STAB2: variants seen among roughly 807,000 people sequenced by gnomAD.
The protein encoded by STAB2 is stabilin-2.
In STAB2, 288 loss-of-function variants were observed where a neutral mutation model predicts 338.1. That is an observed-to-expected ratio of 0.85 (90% confidence interval 0.77 to 0.94). The LOEUF is 0.94. Ranked by LOEUF, STAB2 falls within the 40% of genes least tolerant of loss-of-function variation. The pLI is 0.00. For synonymous variants in STAB2, 1,202 were observed against 1,193.3 expected (o/e 1.01, Z -0.15); for missense variants, 3,141 against 3,210.1 (o/e 0.98, Z 0.52).
chr12:103,718,053 G>T (rs1355243331), intron 44 of STAB2, among the ~76,000 whole-genome samples: 2 of 152,056 alleles, frequency 1.3e-5, no homozygotes, highest in African/African-American at 4.8e-5. Flanking sequence ...CTGCCCCTTT[G>T]GCTGCACCAT....
Position 103,590,956 on chromosome 12 carries a change from T to C in STAB2, c.141T>C (p.Ala47=). The change falls in exon 2 of 69, where the codon GCT becomes GCC. Residue 47 remains alanine (A), a synonymous_variant. Coordinates refer to ENST00000388887, the MANE Select transcript of STAB2 (RefSeq NM_017564.10). The part of the protein sequence containing the change: ...LTIRTECRSC[A]LNLGVKCPDG... ...TTAGGACCGAGTGCCGATCCTGCGC[T>C]CTCAACCTTGGAGTCAAGTGCCCGG... 6.2e-7 allele frequency: 1 copy of C among 1,614,134 alleles called. No homozygotes were observed. The highest frequency in any genetic ancestry group is 8.5e-7 in the Non-Finnish European group (1 of 1,180,016).
rs1880265518 is a variant in STAB2 at position 103,715,838 on chromosome 12, C to T, written c.4561C>T (p.His1521Tyr). ...AGAAATCAACCCGTGTTTGGAGAAC[C>T]ATGGTGGCTGTGACAAGAATGCGGA... ...CLEINPCLEN[H>Y]GGCDKNAECT... The change falls in exon 43 of 69, where the codon CAT becomes TAT. Residue 1521 changes from histidine (H) to tyrosine (Y), a missense_variant. Physicochemically the swap from His to Tyr is moderately conservative, Grantham distance 83. Transcript: ENST00000388887. 1 of 1,613,954 alleles carries T rather than the reference C, an allele frequency of 6.2e-7. No individual in the cohort carries two copies. Among genetic ancestry groups the T allele is most frequent in the Non-Finnish European group, 8.5e-7 (1 of 1,179,986 alleles).
chr12:103,720,470 C>A (rs557977599), intron 44 of STAB2, among the ~76,000 whole-genome samples: 1 of 152,300 alleles, frequency 6.6e-6, no homozygotes, highest in Admixed American at 6.5e-5. Context: ...GCTATGTCAG[C>A]CCAGTGTTGA....
chr12:103,673,859 G>C (rs541721242), intron 22 of STAB2, 48 bp from the exon 23 acceptor site: 2 of 1,575,872 alleles, frequency 1.3e-6, no homozygotes, highest in African/African-American at 2.7e-5. Context: ...CTCAGTGCTT[G>C]GCTTGTCCCC....
intron 46 of STAB2, among the ~76,000 whole-genome samples, chr12:103,726,883 A>G (rs1881250062): frequency 1.3e-5 from 2 of 152,196 alleles, no homozygotes; most frequent in African/African-American, 4.8e-5. Context: ...ACAGTTAAGT[A>G]TATCAACTCA....
At chr12:103,709,570 G>A (rs975133985) in intron 39 of STAB2, among the ~76,000 whole-genome samples, 1 of 152,212 alleles carries the variant, frequency 6.6e-6, no homozygotes, top group African/African-American at 2.4e-5. Context: ...GCCTAGTGGG[G>A]GCTCCATGGA....
At position 103,706,404 on chromosome 12, in the gene STAB2, C is replaced by T. The variant is rs552720860; in HGVS notation, c.3997-388C>T. 5.3e-5 allele frequency among the ~76,000 whole-genome samples: 8 copies of T among 152,302 alleles called. No homozygotes were observed. In the South Asian group the frequency reaches 6.2e-4, roughly 12 times the overall value. On this transcript the variant is annotated intron_variant, in intron 37 of 68. Coordinates refer to ENST00000388887, the MANE Select transcript of STAB2 (RefSeq NM_017564.10). ...AGGCCTCCTCACCTTCAGTAGTAGA[C>T]GAAATAACATCGATGTGAAGGGGCC... is the stretch of plus-strand genomic sequence containing the variant.
In STAB2 at chr12:103,662,915, A is replaced by C. The variant is rs200452873; in HGVS notation, c.1939A>C (p.Thr647Pro). 2 of 1,614,216 alleles carry C rather than the reference A, an allele frequency of 1.2e-6. No individual in the cohort carries two copies. Residue 647 changes from threonine to proline, a missense_variant, in exon 18 of 69, where the codon ACA (threonine) becomes CCA (proline). By Grantham distance (38) the Thr-to-Pro change is conservative. Transcript: ENST00000388887. ...EITAKNGRIY[T>P]LTGVLIPPSI... ...CACTGCCAAAAATGGCCGAATTTAC[A>C]CACTGACAGGAGTTCTCATTCCTCC...
chr12:103,690,575 T>C (rs1221697422), intron 30 of STAB2, 37 bp downstream of exon 30: 1 of 1,556,024 alleles, frequency 6.4e-7, no homozygotes, highest in Admixed American at 1.8e-5. Context: ...ACTTGAAACA[T>C]AACAGCTTTG....
intron 66 of STAB2, among the ~76,000 whole-genome samples, chr12:103,761,971 G>A (rs1884572157): frequency 6.6e-6 from 1 of 152,206 alleles, no homozygotes; most frequent in Non-Finnish European, 1.5e-5. Flanking sequence ...TCCAAAGCCA[G>A]ACTGGGTTCA....
chr12:103,701,977 T>TAC (rs71097990), intron 34 of STAB2, among the ~76,000 whole-genome samples: 2,956 of 143,950 alleles, frequency 0.021, 23 homozygotes, highest in African/African-American at 0.028. Context: ...TCAGCCCTGC[T>TAC]ACACACACAC....
intron 3 of STAB2, among the ~76,000 whole-genome samples, chr12:103,596,172 G>A (rs11111670): frequency 0.022 from 3,391 of 152,298 alleles, 53 homozygotes; most frequent in Non-Finnish European, 0.032. Flanking sequence ...TGTGCCAAAT[G>A]TGGTCATGAT....
chr12:103,625,214 G>A (rs1957362720), intron 5 of STAB2, among the ~76,000 whole-genome samples: 1 of 152,158 alleles, frequency 6.6e-6, no homozygotes, highest in Non-Finnish European at 1.5e-5. Context: ...GAAGACCCAT[G>A]TTATCTCCAA....
chr12:103,711,357 C>A, intron 39 of STAB2, 114 bp from the exon 40 acceptor site: 1 of 1,390,402 alleles, frequency 7.2e-7, no homozygotes. Context: ...TTTTATATCG[C>A]TCACATGATA....
Position 103,735,586 on chromosome 12 carries a change from T to C in STAB2, c.5550+6T>C. ...GTGGAGCTGGCAGGGACATCGTGAG[T>C]ATCATCATGAAGGGTGGGCAGGGAG... On this transcript the variant is annotated splice_donor_region_variant and intron_variant, in intron 52 of 68. Coordinates refer to ENST00000388887, the MANE Select transcript of STAB2 (RefSeq NM_017564.10). The C allele has an allele frequency of 6.6e-7, 1 of 1,523,758 alleles. No individual in the cohort carries two copies. Among genetic ancestry groups the C allele is most frequent in the Non-Finnish European group, 9.0e-7 (1 of 1,109,150 alleles). 94.4% of individuals were successfully genotyped at this position (1,523,758 alleles called of 1,614,324 possible).
In STAB2 at chr12:103,764,143, G is replaced by A. The variant is rs1416195041; in HGVS notation, c.7605+535G>A. Among the ~76,000 whole-genome samples the A allele has an allele frequency of 1.3e-5, 2 of 152,078 alleles. 1 individual carries two copies. Among genetic ancestry groups the A allele is most frequent in the Non-Finnish European group, 2.9e-5 (2 of 68,026 alleles). The stretch of plus-strand genomic sequence containing the variant: ...TAACTTTGTATTGTTAATACAGACA[G>A]GGTTTCTCCATGTTGGTCAGGCTGG... On this transcript the variant is annotated intron_variant, in intron 68 of 68. Coordinates refer to ENST00000388887, the MANE Select transcript of STAB2 (RefSeq NM_017564.10).
Position 103,683,372 on chromosome 12 carries a change from T to C in STAB2, c.2901+72T>C, listed in dbSNP as rs568433484. 10 of 1,399,238 alleles carry C rather than the reference T, an allele frequency of 7.1e-6. No individual in the cohort carries two copies. The East Asian group carries it at 1.4e-4, about 20-fold the overall frequency. 86.7% of individuals were successfully genotyped at this position (1,399,238 alleles called of 1,614,324 possible). ...ACAATGCTTGAGAAAGAAAGATTAT[T>C]TCCTGTCTGGCCTAGTGATGAACAA... is the stretch of plus-strand genomic sequence containing the variant. On this transcript the variant is annotated intron_variant, in intron 26 of 68. Coordinates refer to ENST00000388887, the MANE Select transcript of STAB2 (RefSeq NM_017564.10).
intron 68 of STAB2, among the ~76,000 whole-genome samples, chr12:103,764,341 G>C (rs576858952): frequency 1.4e-4 from 21 of 152,324 alleles, no homozygotes; most frequent in Non-Finnish European, 2.5e-4. Flanking sequence ...TGCTTTTGGA[G>C]CTACTTTTCT....
intron 15 of STAB2, among the ~76,000 whole-genome samples, chr12:103,656,001 C>T (rs1019501006): frequency 1.3e-5 from 2 of 152,194 alleles, no homozygotes; most frequent in African/African-American, 2.4e-5. Flanking sequence ...AAAAAGAATA[C>T]GTGTTATTTT....
Sources: gnomAD v4.1 joint callset for allele counts (sites outside exome capture counted in the v4.1 genomes callset) on GRCh38, gnomAD v4.1.1 for gene constraint, MANE v1.5 for transcripts, NCBI Gene and HGNC (gene_info 2026-07-23, HGNC 2026-07-21) for gene names.